BIN1: variants seen among roughly 807,000 people sequenced by gnomAD.
BIN1 encodes the protein myc box-dependent-interacting protein 1.
A neutral mutation model predicts 82.0 loss-of-function variants in BIN1; 53 were observed. That is an observed-to-expected ratio of 0.65 (90% CI 0.52 to 0.81). The LOEUF (loss-of-function observed/expected upper bound fraction) is 0.81, where lower values mean the gene tolerates loss of function less well. BIN1 is among the 40% of genes least tolerant of loss of function. The probability of loss-of-function intolerance (pLI) is 0.00; values close to 1 mark genes in which losing one functional copy is unlikely to be tolerated. For synonymous variants in BIN1, 302 were observed against 328.0 expected, an observed-to-expected ratio of 0.92 and a Z score of 0.86; for missense variants, 642 against 784.4, an observed-to-expected ratio of 0.82 and a Z score of 2.17.
rs1024500063 is a variant in BIN1 at position 127,050,902 on chromosome 2, G to C, written c.1472C>G (p.Pro491Arg). The change falls in exon 17 of 19, where the codon CCT becomes CGT. Residue 491 changes from proline to arginine, a missense_variant. Coordinates refer to ENST00000316724, the MANE Select transcript of BIN1 (RefSeq NM_139343.3). ...TGGGAAGGTCTCCACCACGACAGCA[G>C]GAAGAGAGCTCTGGTGGCAGAGGTA... ...AASEAASSSL[P>R]AVVVETFPAT... The C allele has an allele frequency of 6.2e-7, 1 of 1,613,880 alleles. No homozygotes were observed. Among genetic ancestry groups the C allele is most frequent in the Non-Finnish European group, 8.5e-7 (1 of 1,180,008 alleles).
intron 2 of BIN1, among the ~76,000 whole-genome samples, chr2:127,075,256 T>A (rs936460676): frequency 6.6e-6 from 1 of 152,194 alleles, no homozygotes; most frequent in South Asian, 2.1e-4. Context: ...ATTGCATAGA[T>A]CTCTGTCAAA....
chr2:127,094,842 C>A (rs1679383932), intron 1 of BIN1, among the ~76,000 whole-genome samples: 1 of 152,218 alleles, frequency 6.6e-6, no homozygotes, highest in African/African-American at 2.4e-5. Flanking sequence ...GATCAACAGA[C>A]CCTGCCCACC....
Position 127,105,654 on chromosome 2 carries a change from GC to G in BIN1, c.84+1205del, listed in dbSNP as rs1287603747. Among the ~76,000 whole-genome samples the G allele has an allele frequency of 3.9e-5, 6 of 152,044 alleles. No homozygotes were observed. In the East Asian group the frequency reaches 1.2e-3, roughly 29 times the overall value. ...AGGGAGGTATGGGGAAGCTCTAGGC[GC>G]CCCCCTCTCCCCCATCCCCCAGCAA... On this transcript the variant is annotated intron_variant, in intron 1 of 18. Coordinates refer to ENST00000316724, the MANE Select transcript of BIN1 (RefSeq NM_139343.3).
At chr2:127,105,467 C>T (rs899834081) in intron 1 of BIN1, among the ~76,000 whole-genome samples, 4 of 55,772 alleles carry the variant, frequency 7.2e-5, no homozygotes, top group East Asian at 4.2e-4. Context: ...GGGCTTTAAT[C>T]CCTCCTCCTC....
intron 15 of BIN1, 150 bp from the exon 16 acceptor site, chr2:127,051,393 G>T: frequency 1.2e-6 from 1 of 800,522 alleles, no homozygotes; most frequent in Non-Finnish European, 2.1e-6. Flanking sequence ...GTGCCTCGAA[G>T]AATCCAGGGA....
At chr2:127,065,803 C>T (rs1159831659) in intron 7 of BIN1, among the ~76,000 whole-genome samples, 1 of 152,214 alleles carries the variant, frequency 6.6e-6, no homozygotes, top group Non-Finnish European at 1.5e-5. Context: ...GGGACAGTTC[C>T]GCTTGAGTTC....
Position 127,062,198 on chromosome 2 carries a change from C to T in BIN1, c.775-1G>A. 1 of 1,603,708 alleles carries T rather than the reference C, an allele frequency of 6.2e-7. No homozygotes were observed. Among genetic ancestry groups the T allele is most frequent in the Non-Finnish European group, 8.5e-7 (1 of 1,175,050 alleles). ...GCACATCATTGAGGTTCTGGTTGAG[C>T]TGCAGGAGAGACAGTGAGGAGGTGG... is the stretch of plus-strand genomic sequence containing the variant. On this transcript the variant is annotated splice_acceptor_variant, in intron 9 of 18. Coordinates refer to ENST00000316724, the MANE Select transcript of BIN1 (RefSeq NM_139343.3). LOFTEE classifies it high-confidence loss of function.
chr2:127,061,998 T>A, intron 10 of BIN1, 117 bp downstream of exon 10: 1 of 1,224,830 alleles, frequency 8.2e-7, no homozygotes, highest in Non-Finnish European at 1.1e-6. Flanking sequence ...GGAAGGTCCC[T>A]AGACCCCCAA....
At chr2:127,060,063 C>A (rs766052963) in intron 10 of BIN1, among the ~76,000 whole-genome samples, 4 of 152,130 alleles carry the variant, frequency 2.6e-5, no homozygotes, top group Non-Finnish European at 5.9e-5. Flanking sequence ...CTGTGCTGGA[C>A]AGTGCAGATC....
intron 1 of BIN1, among the ~76,000 whole-genome samples, chr2:127,081,524 C>A (rs1032163361): frequency 1.3e-5 from 2 of 152,120 alleles, no homozygotes; most frequent in South Asian, 4.1e-4. Context: ...GTCTGAATGG[C>A]ATGGCCCAGG....
intron 2 of BIN1, among the ~76,000 whole-genome samples, chr2:127,073,951 G>A (rs112785730): frequency 0.011 from 1,742 of 152,236 alleles, 12 homozygotes; most frequent in Non-Finnish European, 0.017. Context: ...TGTGACCAGC[G>A]CCAGGTGGGC....
chr2:127,059,813 C>T lies in BIN1; in HGVS notation c.858-658G>A, dbSNP rs181960304. 3.3e-3 allele frequency among the ~76,000 whole-genome samples: 501 copies of T among 152,226 alleles called. 22 individuals carry two copies. In the South Asian group the frequency reaches 0.08, roughly 24 times the overall value. On this transcript the variant is annotated intron_variant, in intron 10 of 18. Transcript: ENST00000316724. The surrounding 1 kb of genome is among the most constrained non-coding windows in gnomAD (Gnocchi z 6.7). Reference sequence around the variant, plus strand: ...TGGCGTTCAGTGCCAGAACCCAAGGCGGAGGTGGTGTGATGCTGTGCACCC... The same window carrying T: ...TGGCGTTCAGTGCCAGAACCCAAGGTGGAGGTGGTGTGATGCTGTGCACCC...
intron 1 of BIN1, among the ~76,000 whole-genome samples, chr2:127,095,455 C>T (rs1558879981): frequency 6.6e-6 from 1 of 152,222 alleles, no homozygotes; most frequent in Non-Finnish European, 1.5e-5. Flanking sequence ...GGTTCACCTT[C>T]CCTTTGGTGT....
At chr2:127,051,085 C>T in intron 16 of BIN1, 69 bp downstream of exon 16, 1 of 1,595,964 alleles carries the variant, frequency 6.3e-7, no homozygotes, top group Non-Finnish European at 8.6e-7. Flanking sequence ...GCAGGGGCCA[C>T]AGGGGAGCCC....
Position 127,048,617 on chromosome 2 carries a change from A to G in BIN1, c.1691T>C (p.Met564Thr), listed in dbSNP as rs1682474004. ...GTTCCAGTCGCTCTCCTTCACGCCC[A>G]TGAGCCAGCCTTCATCCTGAGGGGC... is the stretch of plus-strand genomic sequence containing the variant. ...NPEEQDEGWL[M>T]GVKESDWNQH... The change falls in exon 19 of 19, where the codon ATG (methionine) becomes ACG (threonine). Residue 564 changes from methionine (M) to threonine (T), a missense_variant. By Grantham distance (81) the Met-to-Thr change is moderately conservative. Coordinates refer to ENST00000316724, the MANE Select transcript of BIN1 (RefSeq NM_139343.3). 1.2e-6 allele frequency: 2 copies of G among 1,612,916 alleles called. No individual in the cohort carries two copies. Among genetic ancestry groups the G allele is most frequent in the East Asian group, 2.2e-5 (1 of 44,878 alleles).
At chr2:127,085,771 C>G (rs1678071412) in intron 1 of BIN1, among the ~76,000 whole-genome samples, 1 of 152,216 alleles carries the variant, frequency 6.6e-6, no homozygotes, top group South Asian at 2.1e-4. Flanking sequence ...TGAGCCAGGC[C>G]TCAGCCCCCT....
intron 7 of BIN1, among the ~76,000 whole-genome samples, chr2:127,065,353 T>G (rs1428573224): frequency 1.3e-5 from 2 of 152,038 alleles, no homozygotes; most frequent in African/African-American, 4.8e-5. Context: ...CTCTCTTGGA[T>G]CCAGGGACCC....
At position 127,059,241 on chromosome 2, in the gene BIN1, A is replaced by T; in HGVS notation, c.858-86T>A. The stretch of plus-strand genomic sequence containing the variant: ...GGGCAAATGTATTGACGTCTGTGTG[A>T]AGAGGTGTGTGCATATGGAGGTGTG... On this transcript the variant is annotated intron_variant, in intron 10 of 18. Coordinates refer to ENST00000316724, the MANE Select transcript of BIN1 (RefSeq NM_139343.3). This position sits in a 1 kb window ranked among gnomAD's most constrained non-coding sequence, Gnocchi z 6.7. 14 of 1,359,224 alleles carry T rather than the reference A, an allele frequency of 1.0e-5. No homozygotes were observed. The highest frequency in any genetic ancestry group is 1.4e-5 in the Non-Finnish European group (14 of 1,016,258). The allele number at this position is 1,359,224 out of a possible 1,614,324, so 84.2% of individuals were successfully genotyped here.
intron 9 of BIN1, among the ~76,000 whole-genome samples, chr2:127,062,830 G>A (rs1684677756): frequency 6.6e-6 from 1 of 152,124 alleles, no homozygotes; most frequent in Non-Finnish European, 1.5e-5. Flanking sequence ...TCTTCGAAGG[G>A]AAAAAGGAAA....
Sources: allele counts gnomAD v4.1 joint callset (sites outside exome capture counted in the v4.1 genomes callset), GRCh38; gene constraint gnomAD v4.1.1; non-coding constraint Gnocchi (gnomAD v3.1); transcripts MANE v1.5; gene names NCBI Gene and HGNC (gene_info 2026-07-23, HGNC 2026-07-21).